Variants in ANO6 observed in about 807,000 individuals in gnomAD.
ANO6 encodes the protein anoctamin 6.
A neutral mutation model predicts 117.5 loss-of-function variants in ANO6; 106 were observed. That is an observed-to-expected ratio of 0.90 (90% CI 0.77 to 1.06). The LOEUF (loss-of-function observed/expected upper bound fraction) is 1.06. Among genes scored for constraint, ANO6 ranks in the 50% least tolerant of loss-of-function variants. The pLI is 0.00. For missense variants in ANO6, 955 were observed against 1,121.1 expected (o/e 0.85, Z 2.12); for synonymous variants, 367 against 385.1 (o/e 0.95, Z 0.55).
chr12:45,421,311 C>T, intron 18 of ANO6, 38 bp downstream of exon 18: 1 of 1,583,986 alleles, frequency 6.3e-7, no homozygotes, highest in Non-Finnish European at 8.7e-7. Context: ...TGCACTTCAT[C>T]TTTAAAAGGG....
chr12:45,357,115 CT>C, intron 7 of ANO6, among the ~76,000 whole-genome samples, 174 bp from the exon 8 acceptor site: 1 of 152,192 alleles, frequency 6.6e-6, no homozygotes, highest in Non-Finnish European at 1.5e-5. Context: ...GTGTAATATA[CT>C]TTTTGTTTCA....
rs568778398 is a variant in ANO6, at chr12:45,293,133, C to T, written c.71-8881C>T. On this transcript the variant is annotated intron_variant, in intron 1 of 19. Coordinates refer to ENST00000320560, the MANE Select transcript of ANO6 (RefSeq NM_001025356.3). Reference sequence around the variant, plus strand: ...ATGGTTCTGGAAATAGAAGCACTCTCTTATTATCTAAGCAATTACATTTTG... The same window carrying T: ...ATGGTTCTGGAAATAGAAGCACTCTTTTATTATCTAAGCAATTACATTTTG... Among the ~76,000 whole-genome samples, 4 of 152,326 alleles carry T rather than the reference C, an allele frequency of 2.6e-5. No individual in the cohort carries two copies. In the South Asian group the frequency reaches 8.3e-4, roughly 32 times the overall value.
At chr12:45,281,777 A>C (rs1938744533) in intron 1 of ANO6, among the ~76,000 whole-genome samples, 1 of 152,250 alleles carries the variant, frequency 6.6e-6, no homozygotes, top group Non-Finnish European at 1.5e-5. Flanking sequence ...TGTTATCTTA[A>C]ATTTGAAAGT....
intron 15 of ANO6, among the ~76,000 whole-genome samples, chr12:45,407,380 GGCAAA>G (rs1157248982): frequency 1.3e-5 from 2 of 150,884 alleles, no homozygotes; most frequent in Non-Finnish European, 2.9e-5. Context: ...AAGTTTGGGA[GGCAAA>G]GCAAAGTATA....
intron 16 of ANO6, among the ~76,000 whole-genome samples, chr12:45,411,915 G>T (rs1457170857): frequency 6.6e-6 from 1 of 152,044 alleles, no homozygotes; most frequent in African/African-American, 2.4e-5. Context: ...CTGCTAGAGC[G>T]CCAGTGCCTG....
At chr12:45,301,983 T>G in intron 1 of ANO6, 31 bp from the exon 2 acceptor site, 4 of 1,599,256 alleles carry the variant, frequency 2.5e-6, no homozygotes, top group Non-Finnish European at 3.4e-6. Context: ...AGGTTCATGC[T>G]TCATTTGTTT....
chr12:45,225,981 A>T lies in ANO6; in HGVS notation c.70+9590A>T, dbSNP rs187953395. Among the ~76,000 whole-genome samples the T allele has an allele frequency of 5.3e-5, 8 of 152,292 alleles. No homozygotes were observed. The East Asian group carries it at 1.3e-3, about 26-fold the overall frequency. On this transcript the variant is annotated intron_variant, in intron 1 of 19. Coordinates refer to ENST00000320560, the MANE Select transcript of ANO6 (RefSeq NM_001025356.3). ...TGAAGGAATTTTATTCAGCCAAATG[A>T]TTGTCTTATGACATTATTTTTTTTT...
At position 45,430,406 on chromosome 12, in the gene ANO6, T is replaced by A; in HGVS notation, c.*1095T>A. 1 of 985,226 alleles carries A rather than the reference T, an allele frequency of 1.0e-6. No individual in the cohort carries two copies. The highest frequency in any genetic ancestry group is 4.7e-5 in the South Asian group (1 of 21,278). The allele number at this position is 985,226 out of a possible 1,614,324, so 61.0% of individuals were successfully genotyped here. ...GTGGGGAGTGCCTTTTGTCAAGGAG[T>A]CTGCAGGAATTGGCTTATTTCTGTA... On this transcript the variant is annotated 3_prime_UTR_variant, in exon 20 of 20. Transcript: ENST00000320560.
chr12:45,437,758 C>T (rs1041036565), intron 19 of ANO6, among the ~76,000 whole-genome samples: 5 of 151,998 alleles, frequency 3.3e-5, no homozygotes, highest in South Asian at 2.1e-4. Flanking sequence ...TTAGTAGAGA[C>T]GGGGTTTTAC....
At chr12:45,357,973 G>A (rs1418532937) in intron 8 of ANO6, among the ~76,000 whole-genome samples, 2 of 152,194 alleles carry the variant, frequency 1.3e-5, no homozygotes, top group Admixed American at 6.5e-5. Flanking sequence ...TTTGTACTGA[G>A]GTTGAAATTC....
chr12:45,311,774 CCATGTCAGTGGGA>C (rs1258243841), intron 2 of ANO6, among the ~76,000 whole-genome samples: 1 of 152,058 alleles, frequency 6.6e-6, no homozygotes, highest in East Asian at 1.9e-4. Context: ...TTGAACCAGG[CCATGTCAGTGGGA>C]CATGACAATT....
rs1941904435 is a variant in ANO6, at chr12:45,373,411, T to C, written c.1105-4642T>C. On this transcript the variant is annotated intron_variant, in intron 9 of 19. Transcript: ENST00000320560. ...ACCCCAAATCAACAGGATATACATT[T>C]TTTTCAGCACCACACCACACCTATT... 2.0e-5 allele frequency among the ~76,000 whole-genome samples: 3 copies of C among 152,162 alleles called. 1 individual carries two copies. In the South Asian group the frequency reaches 6.2e-4, roughly 32 times the overall value.
chr12:45,368,445 A>G (rs1456183123), intron 9 of ANO6, among the ~76,000 whole-genome samples: 1 of 152,214 alleles, frequency 6.6e-6, no homozygotes, highest in African/African-American at 2.4e-5. Flanking sequence ...CTCTATAACT[A>G]TGCATGAGAA....
At chr12:45,376,091 A>C (rs1942006961) in intron 9 of ANO6, among the ~76,000 whole-genome samples, 1 of 151,534 alleles carries the variant, frequency 6.6e-6, no homozygotes, top group South Asian at 2.1e-4. Context: ...GCCAAAAGAC[A>C]CATGAAAAAA....
intron 1 of ANO6, among the ~76,000 whole-genome samples, chr12:45,249,731 G>A (rs1251507447): frequency 6.6e-6 from 1 of 152,142 alleles, no homozygotes; most frequent in African/African-American, 2.4e-5. Context: ...GTTAGACACT[G>A]AATCCCCAAA....
intron 1 of ANO6, among the ~76,000 whole-genome samples, chr12:45,234,561 G>T (rs1023587714): frequency 6.6e-5 from 10 of 152,134 alleles, no homozygotes; most frequent in Non-Finnish European, 1.3e-4. Flanking sequence ...ATTTGTTCAG[G>T]CCCCTTTTCC....
At chr12:45,388,037 G>C in intron 10 of ANO6, 124 bp from the exon 11 acceptor site, 1 of 1,279,796 alleles carries the variant, frequency 7.8e-7, no homozygotes, top group Admixed American at 1.7e-5. Context: ...ACCCAGTCCA[G>C]GTAGTTCTTT....
intron 2 of ANO6, among the ~76,000 whole-genome samples, chr12:45,309,626 T>C (rs1939785555): frequency 6.6e-6 from 1 of 151,986 alleles, no homozygotes; most frequent in African/African-American, 2.4e-5. Flanking sequence ...AGCAACTGAA[T>C]TGGTGTTAGG....
chr12:45,437,879 T>G (rs1943725806), intron 19 of ANO6, among the ~76,000 whole-genome samples: 1 of 152,178 alleles, frequency 6.6e-6, no homozygotes, highest in Non-Finnish European at 1.5e-5. Flanking sequence ...TCAAAACTTT[T>G]AAGAGTGTAA....
Sources: gnomAD v4.1 joint callset for allele counts (sites outside exome capture counted in the v4.1 genomes callset) on GRCh38, gnomAD v4.1.1 for gene constraint, MANE v1.5 for transcripts, NCBI Gene and HGNC (gene_info 2026-07-23, HGNC 2026-07-21) for gene names.